Variants in ACTR3C observed in about 807,000 individuals in gnomAD.
ACTR3C encodes the protein actin related protein 3C, also known as actin-related protein 3C.
Under a neutral mutation model 26.3 loss-of-function variants are expected in ACTR3C, and 18 were observed. That is an observed-to-expected ratio of 0.68 (90% CI 0.47 to 1.01). The LOEUF is 1.01. ACTR3C is among the 50% of genes least tolerant of loss of function. The pLI is 0.00. For synonymous variants in ACTR3C, 55 were observed against 94.5 expected, an observed-to-expected ratio of 0.58 and a Z score of 2.42; for missense variants, 184 against 250.7, an observed-to-expected ratio of 0.73 and a Z score of 1.80.
chr7:150,048,187 G>C, the ACTR3C span, among the ~76,000 whole-genome samples: 1 of 151,772 alleles, frequency 6.6e-6, no homozygotes, highest in Admixed American at 6.6e-5. Context: ...ATTGAAGGAA[G>C]AAAAAAAACC....
At chr7:150,208,196 C>T in the ACTR3C span, among the ~76,000 whole-genome samples, 2 of 152,014 alleles carry the variant, frequency 1.3e-5, no homozygotes, top group African/African-American at 4.8e-5. Flanking sequence ...CTAGGTGGGG[C>T]CCAGGAGACT....
chr7:150,259,341 A>C (rs28631732), intron 6 of ACTR3C, among the ~76,000 whole-genome samples: 1 of 152,064 alleles, frequency 6.6e-6, no homozygotes. Context: ...GAAAGAAAGA[A>C]AGACAGAGAA....
chr7:149,918,340 A>G, the ACTR3C span, among the ~76,000 whole-genome samples: 1 of 152,136 alleles, frequency 6.6e-6, no homozygotes, highest in Non-Finnish European at 1.5e-5. Context: ...ACTCTTTCCC[A>G]AAGCCCCACT....
At chr7:150,038,723 A>G in the ACTR3C span, among the ~76,000 whole-genome samples, 2 of 142,004 alleles carry the variant, frequency 1.4e-5, no homozygotes, top group African/African-American at 5.5e-5. Flanking sequence ...GGTGGGTCCT[A>G]AGGATCTTAG....
At position 150,249,949 on chromosome 7, in the gene ACTR3C, T is replaced by C. The variant is rs182284010; in HGVS notation, c.565-895A>G. ...GATAAGGCCTCACTTCCGGGGACTG[T>C]GATGGGTTAGGGTACATGGTGGATC... On this transcript the variant is annotated intron_variant, in intron 6 of 7. Coordinates refer to ENST00000683684, the MANE Select transcript of ACTR3C (RefSeq NM_001164458.2). Among the ~76,000 whole-genome samples, 686 of 152,262 alleles carry C rather than the reference T, an allele frequency of 4.5e-3. 7 individuals carry two copies. The highest frequency in any genetic ancestry group is 8.3e-3 in the Non-Finnish European group (564 of 68,030).
the ACTR3C span, among the ~76,000 whole-genome samples, chr7:149,983,816 C>T: frequency 7.9e-5 from 12 of 152,146 alleles, no homozygotes; most frequent in South Asian, 8.3e-4. Context: ...AAAATCCTGC[C>T]ATATGCAAAA....
intron 6 of ACTR3C, among the ~76,000 whole-genome samples, chr7:150,250,588 G>T (rs1246462748): frequency 6.6e-6 from 1 of 151,894 alleles, no homozygotes; most frequent in Non-Finnish European, 1.5e-5. Flanking sequence ...GACGGATTAG[G>T]AGGCTATTTC....
At chr7:149,913,585 C>T in the ACTR3C span, among the ~76,000 whole-genome samples, 1 of 151,942 alleles carries the variant, frequency 6.6e-6, no homozygotes, top group East Asian at 1.9e-4. Context: ...CTGGGAAACT[C>T]CGGAAACAGA....
the ACTR3C span, among the ~76,000 whole-genome samples, chr7:150,126,357 G>C: frequency 6.6e-6 from 1 of 152,208 alleles, no homozygotes; most frequent in Admixed American, 6.5e-5. Flanking sequence ...GGCTCTGAAA[G>C]CTGAAAGAGA....
At chr7:150,034,098 G>GGA in the ACTR3C span, among the ~76,000 whole-genome samples, 17 of 151,624 alleles carry the variant, frequency 1.1e-4, no homozygotes, top group African/African-American at 3.6e-4. Flanking sequence ...CCGCGATGCA[G>GGA]GTCCCAACAA....
the ACTR3C span, among the ~76,000 whole-genome samples, chr7:150,169,401 AAAAAG>A: frequency 4.0e-5 from 6 of 148,726 alleles, no homozygotes; most frequent in African/African-American, 1.5e-4. Context: ...AAAAAAAAAA[AAAAAG>A]AAGAAGAAGA....
rs1834786226 is a variant in ACTR3C at position 150,275,343 on chromosome 7, C to T, written c.564+9410G>A. ...TGCTGTTAATACATAGCATATGAAA[C>T]ATAAATACAAGAGGACATATCTATC... On this transcript the variant is annotated intron_variant, in intron 6 of 7. Coordinates refer to ENST00000683684, the MANE Select transcript of ACTR3C (RefSeq NM_001164458.2). Among the ~76,000 whole-genome samples the T allele has an allele frequency of 2.0e-5, 3 of 152,192 alleles. No homozygotes were observed. The South Asian group carries it at 6.2e-4, about 32-fold the overall frequency.
the ACTR3C span, among the ~76,000 whole-genome samples, chr7:149,938,439 GA>G: frequency 0.91 from 138,595 of 151,958 alleles, 63,798 homozygotes; most frequent in Non-Finnish European, 0.99. Flanking sequence ...AAATTTAGGA[GA>G]TTTTTTTTAA....
the ACTR3C span, among the ~76,000 whole-genome samples, chr7:150,060,213 A>C: frequency 1.3e-5 from 2 of 152,068 alleles, no homozygotes; most frequent in Non-Finnish European, 2.9e-5. Context: ...TGCAGAGTCT[A>C]TGTTGCAGGT....
the ACTR3C span, among the ~76,000 whole-genome samples, chr7:150,023,744 C>T: frequency 2.9e-4 from 43 of 148,728 alleles, no homozygotes; most frequent in African/African-American, 8.7e-4. Flanking sequence ...ATGTATTAAT[C>T]GCGATGAGTA....
chr7:150,224,346 A>G, the ACTR3C span, among the ~76,000 whole-genome samples: 1 of 152,254 alleles, frequency 6.6e-6, no homozygotes, highest in Non-Finnish European at 1.5e-5. Context: ...GCCAAAAGTC[A>G]TTCCATTACA....
the ACTR3C span, among the ~76,000 whole-genome samples, chr7:150,032,015 C>T: frequency 6.6e-6 from 1 of 152,242 alleles, no homozygotes; most frequent in Admixed American, 6.5e-5. Context: ...CCTGCTTGCT[C>T]CCAGGGCCCT....
At chr7:150,048,730 G>A in the ACTR3C span, among the ~76,000 whole-genome samples, 1 of 152,094 alleles carries the variant, frequency 6.6e-6, no homozygotes, top group East Asian at 1.9e-4. Flanking sequence ...GAGACACCCC[G>A]AGGACCTGGG....
the ACTR3C span, among the ~76,000 whole-genome samples, chr7:150,137,214 T>C: frequency 2.0e-5 from 3 of 152,162 alleles, no homozygotes; most frequent in African/African-American, 7.2e-5. Context: ...GTGCCCTGTG[T>C]CAGATGGTGG....
Sources: allele counts gnomAD v4.1 joint callset (sites outside exome capture counted in the v4.1 genomes callset), GRCh38; gene constraint gnomAD v4.1.1; transcripts MANE v1.5; gene names NCBI Gene and HGNC (gene_info 2026-07-23, HGNC 2026-07-21).